The following POU6F2 variants were observed in gnomAD, a reference collection of about 807,000 sequenced individuals.
POU6F2 encodes the protein POU class 6 homeobox 2.
A neutral mutation model predicts 71.3 loss-of-function variants in POU6F2; 31 were observed. That is an observed-to-expected ratio of 0.43 (90% CI 0.33 to 0.59). POU6F2 has a LOEUF of 0.59. Among genes scored for constraint, POU6F2 ranks in the 20% least tolerant of loss-of-function variants. POU6F2 has a pLI of 0.04. For synonymous variants in POU6F2, 347 were observed against 355.7 expected, an observed-to-expected ratio of 0.98 and a Z score of 0.27; for missense variants, 783 against 856.8, an observed-to-expected ratio of 0.91 and a Z score of 1.07.
chr7:39,407,196 A>C (rs1034313074), intron 6 of POU6F2, among the ~76,000 whole-genome samples: 1 of 151,890 alleles, frequency 6.6e-6, no homozygotes. Flanking sequence ...CCAATTTTTG[A>C]ATGTATGGGA....
At chr7:39,170,622 A>G (rs1207094407) in intron 2 of POU6F2, among the ~76,000 whole-genome samples, 1 of 152,200 alleles carries the variant, frequency 6.6e-6, no homozygotes, top group Non-Finnish European at 1.5e-5. Flanking sequence ...TTAACCATTT[A>G]AAATGACTTT....
chr7:39,458,387 T>A lies in POU6F2; in HGVS notation c.1490-2160T>A, dbSNP rs924644709. Among the ~76,000 whole-genome samples, 34 of 150,648 alleles carry A rather than the reference T, an allele frequency of 2.3e-4. No individual in the cohort carries two copies. In the South Asian group the frequency reaches 2.5e-3, roughly 11 times the overall value. On this transcript the variant is annotated intron_variant, in intron 8 of 9. Coordinates refer to ENST00000518318, the MANE Select transcript of POU6F2 (RefSeq NM_001370959.1). Reference sequence around the variant, plus strand: ...AAATGTTTACATGTTAGCAAGTGCTTTTTTTTTTATGTAAACACTAGGAAA... The same window carrying A: ...AAATGTTTACATGTTAGCAAGTGCTATTTTTTTTATGTAAACACTAGGAAA...
intron 5 of POU6F2, among the ~76,000 whole-genome samples, chr7:39,347,976 G>T (rs1786063071): frequency 7.0e-6 from 1 of 143,598 alleles, no homozygotes; most frequent in South Asian, 2.2e-4. Flanking sequence ...TATTATACTT[G>T]ATATAGGATA....
intron 5 of POU6F2, among the ~76,000 whole-genome samples, chr7:39,371,199 G>A (rs1225126671): frequency 1.3e-5 from 2 of 149,152 alleles, no homozygotes; most frequent in Non-Finnish European, 3.0e-5. Flanking sequence ...TTTTTTTTGA[G>A]ACAAGAGTCT....
intron 4 of POU6F2, among the ~76,000 whole-genome samples, chr7:39,324,643 T>C (rs1440281144): frequency 6.6e-6 from 1 of 152,152 alleles, no homozygotes; most frequent in Non-Finnish European, 1.5e-5. Context: ...GTAGACAAAG[T>C]AAAAATAATA....
chr7:39,418,680 A>C (rs1431413265), intron 6 of POU6F2, among the ~76,000 whole-genome samples: 1 of 149,808 alleles, frequency 6.7e-6, no homozygotes, highest in South Asian at 2.1e-4. Flanking sequence ...ACAGAGTGAG[A>C]CTCTGTCTCA....
chr7:39,421,730 C>CT (rs990712110), intron 6 of POU6F2, among the ~76,000 whole-genome samples: 13 of 151,950 alleles, frequency 8.6e-5, no homozygotes, highest in Admixed American at 2.0e-4. Flanking sequence ...TGCTGTAGCT[C>CT]TTTTTTTTCT....
chr7:39,030,910 T>G (rs536456330), intron 1 of POU6F2, among the ~76,000 whole-genome samples: 117 of 152,108 alleles, frequency 7.7e-4, no homozygotes, highest in African/African-American at 2.5e-3. Flanking sequence ...TATTTATTTA[T>G]TTAGTTTTTG....
At chr7:39,346,592 T>A (rs540135250) in intron 5 of POU6F2, among the ~76,000 whole-genome samples, 5 of 152,312 alleles carry the variant, frequency 3.3e-5, no homozygotes, top group African/African-American at 1.2e-4. Context: ...ATGAAACTAA[T>A]CCCAAAGTCT....
At chr7:39,039,088 T>C (rs1435616282) in intron 1 of POU6F2, among the ~76,000 whole-genome samples, 2 of 152,048 alleles carry the variant, frequency 1.3e-5, no homozygotes, top group Admixed American at 1.3e-4. Context: ...ATCACAATAT[T>C]GACTCAAGTC....
intron 2 of POU6F2, among the ~76,000 whole-genome samples, chr7:39,088,281 T>G (rs1791297319): frequency 6.6e-6 from 1 of 151,706 alleles, no homozygotes; most frequent in African/African-American, 2.4e-5. Context: ...CACTCTAATA[T>G]TCTCATAAGG....
chr7:39,208,970 T>C (rs1401147213), intron 4 of POU6F2, among the ~76,000 whole-genome samples: 1 of 152,128 alleles, frequency 6.6e-6, no homozygotes, highest in African/African-American at 2.4e-5. Flanking sequence ...GAATATTGAA[T>C]ATTATAAATA....
At chr7:39,462,718 A>C (rs994650771) in intron 9 of POU6F2, among the ~76,000 whole-genome samples, 3 of 152,232 alleles carry the variant, frequency 2.0e-5, no homozygotes, top group African/African-American at 7.2e-5. Flanking sequence ...TTAAATGATC[A>C]GTTCACTCTG....
At chr7:39,224,610 A>G (rs933700306) in intron 4 of POU6F2, among the ~76,000 whole-genome samples, 1 of 152,190 alleles carries the variant, frequency 6.6e-6, no homozygotes, top group Non-Finnish European at 1.5e-5. Flanking sequence ...ACTTTACGCC[A>G]GTTAGCAAAC....
At chr7:39,355,111 A>AT (rs1345355693) in intron 5 of POU6F2, among the ~76,000 whole-genome samples, 1 of 152,186 alleles carries the variant, frequency 6.6e-6, no homozygotes, top group Non-Finnish European at 1.5e-5. Context: ...AGTCATGGAA[A>AT]CAGGCTGGCC....
At chr7:39,062,114 A>C (rs2128716235) in intron 1 of POU6F2, among the ~76,000 whole-genome samples, 1 of 152,274 alleles carries the variant, frequency 6.6e-6, no homozygotes, top group Non-Finnish European at 1.5e-5. Flanking sequence ...TGGATACTAC[A>C]CGTGTAGCTT....
At chr7:39,082,231 G>A (rs10499612) in intron 1 of POU6F2, among the ~76,000 whole-genome samples, 10,187 of 152,108 alleles carry the variant, frequency 0.067, 611 homozygotes, top group African/African-American at 0.16. Context: ...TTTTTCCACC[G>A]TCTGGTTCTT....
chr7:39,070,460 G>T (rs1437065560), intron 1 of POU6F2, among the ~76,000 whole-genome samples: 1 of 151,876 alleles, frequency 6.6e-6, no homozygotes, highest in African/African-American at 2.4e-5. Flanking sequence ...ACCTTGTCAT[G>T]CCTTGCCCAA....
intron 4 of POU6F2, among the ~76,000 whole-genome samples, chr7:39,315,893 G>A (rs1785257645): frequency 6.6e-6 from 1 of 152,188 alleles, no homozygotes; most frequent in Admixed American, 6.5e-5. Flanking sequence ...CTAAGATTTA[G>A]TTACATAATT....
Sources: allele counts gnomAD v4.1 joint callset (sites outside exome capture counted in the v4.1 genomes callset), GRCh38; gene constraint gnomAD v4.1.1; transcripts MANE v1.5; gene names NCBI Gene and HGNC (gene_info 2026-07-23, HGNC 2026-07-21).